The following FAM169A variants were observed in gnomAD, a reference collection of about 807,000 sequenced individuals.
FAM169A encodes the protein family with sequence similarity 169 member A.
A neutral mutation model predicts 75.7 loss-of-function variants in FAM169A; 24 were observed. The observed-to-expected ratio is 0.32, with a 90% confidence interval of 0.23 to 0.45. FAM169A has a LOEUF of 0.45. FAM169A is among the 20% of genes least tolerant of loss of function. The probability of loss-of-function intolerance (pLI) is 1.00; values close to 1 mark genes in which losing one functional copy is unlikely to be tolerated. For synonymous variants in FAM169A, 271 were observed against 271.0 expected, an observed-to-expected ratio of 1.00 and a Z score of 0.00; for missense variants, 673 against 784.0, an observed-to-expected ratio of 0.86 and a Z score of 1.69.
At chr5:74,816,309 A>G (rs1747467928) in intron 5 of FAM169A, among the ~76,000 whole-genome samples, 1 of 152,170 alleles carries the variant, frequency 6.6e-6, no homozygotes, top group Admixed American at 6.5e-5. Flanking sequence ...GTTGTTCATT[A>G]CTCTACATGC....
Position 74,782,001 on chromosome 5 carries a change from C to T in FAM169A, c.1472G>A (p.Arg491His), listed in dbSNP as rs374956471. Residue 491 changes from arginine to histidine, a missense_variant, in exon 13 of 13, where the codon CGT becomes CAT. By Grantham distance (29) the Arg-to-His change is conservative. Coordinates refer to ENST00000687041, the MANE Select transcript of FAM169A (RefSeq NM_001376049.1). ...CATCAACATTTCTGAGTCAGGTATA[C>T]GTGGGGTCTGAAAATTAAAAACCTG... ...PEVDAPDKTP[R>H]IPDSEMLMDE... 2.5e-6 allele frequency: 4 copies of T among 1,598,464 alleles called. No individual in the cohort carries two copies. In the African/African-American group the frequency reaches 4.0e-5, roughly 16 times the overall value.
intron 1 of FAM169A, among the ~76,000 whole-genome samples, chr5:74,842,664 T>C (rs531078561): frequency 5.4e-4 from 82 of 151,874 alleles, no homozygotes; most frequent in African/African-American, 1.9e-3. Flanking sequence ...CCCAAAGTGC[T>C]GGGATTACAG....
At chr5:74,840,040 T>A (rs756028413) in intron 3 of FAM169A, 34 bp downstream of exon 3, 2 of 1,129,106 alleles carry the variant, frequency 1.8e-6, no homozygotes, top group Non-Finnish European at 2.6e-6. Flanking sequence ...TGGAGAAAAA[T>A]TCCTTAATTT....
intron 1 of FAM169A, among the ~76,000 whole-genome samples, chr5:74,846,551 T>G (rs1749165972): frequency 6.6e-6 from 1 of 152,230 alleles, no homozygotes; most frequent in African/African-American, 2.4e-5. Context: ...ACGCACGTTA[T>G]TTTAGATTGA....
chr5:74,841,805 G>T, intron 1 of FAM169A, 126 bp from the exon 2 acceptor site: 1 of 794,688 alleles, frequency 1.3e-6, no homozygotes, highest in Non-Finnish European at 1.9e-6. Context: ...GTTTCACTTT[G>T]CCCGCAGAAT....
chr5:74,808,467 A>C (rs1747001421), intron 6 of FAM169A, among the ~76,000 whole-genome samples: 1 of 152,184 alleles, frequency 6.6e-6, no homozygotes, highest in African/African-American at 2.4e-5. Flanking sequence ...GTTACCTACC[A>C]GAAGATGGGG....
intron 11 of FAM169A, among the ~76,000 whole-genome samples, chr5:74,792,737 C>T (rs1746044416): frequency 6.6e-6 from 1 of 152,092 alleles, no homozygotes; most frequent in Non-Finnish European, 1.5e-5. Flanking sequence ...GTAAGTATGG[C>T]CACAATAAAA....
In FAM169A at chr5:74,804,544, T is replaced by C. The variant is rs1165059945; in HGVS notation, c.861A>G (p.Pro287=). The change falls in exon 8 of 13, where the codon CCA becomes CCG. Residue 287 remains proline, a synonymous_variant. Transcript: ENST00000687041. The part of the protein sequence containing the change: ...MSGEYGPASV[P]EYEARTEDNQ... Reference sequence around the variant, plus strand: ...TGTCTTCAGTTCTTGCTTCGTATTCTGGAACAGATGCAGGACCATATTCTC... The same window carrying C: ...TGTCTTCAGTTCTTGCTTCGTATTCCGGAACAGATGCAGGACCATATTCTC... 1 of 1,612,596 alleles carries C rather than the reference T, an allele frequency of 6.2e-7. No homozygotes were observed. Among genetic ancestry groups the C allele is most frequent in the Non-Finnish European group, 8.5e-7 (1 of 1,178,956 alleles).
At chr5:74,861,871 T>A (rs1357813198) in intron 1 of FAM169A, among the ~76,000 whole-genome samples, 1 of 152,204 alleles carries the variant, frequency 6.6e-6, no homozygotes, top group Admixed American at 6.5e-5. Context: ...ATATACTACT[T>A]CTAGTCATTT....
At chr5:74,782,146 T>A (rs1745444888) in intron 12 of FAM169A, 138 bp from the exon 13 acceptor site, 1 of 670,434 alleles carries the variant, frequency 1.5e-6, no homozygotes, top group East Asian at 2.7e-5. Flanking sequence ...TTTTTTGAAT[T>A]TCTGTTCTGC....
chr5:74,812,558 G>A (rs1416536091), intron 6 of FAM169A, among the ~76,000 whole-genome samples: 5 of 151,812 alleles, frequency 3.3e-5, no homozygotes, highest in African/African-American at 1.2e-4. Context: ...GAGATAACAG[G>A]CATATGCCAC....
intron 1 of FAM169A, among the ~76,000 whole-genome samples, chr5:74,844,796 G>A (rs531957547): frequency 6.6e-6 from 1 of 152,248 alleles, no homozygotes; most frequent in Admixed American, 6.5e-5. Flanking sequence ...CAGCCTGGGT[G>A]ACAGAGTGAG....
chr5:74,813,569 G>A (rs1312208218), intron 6 of FAM169A, among the ~76,000 whole-genome samples: 4 of 151,782 alleles, frequency 2.6e-5, no homozygotes, highest in East Asian at 3.9e-4. Context: ...CAGGTGATCC[G>A]CCTGCCTCAG....
intron 1 of FAM169A, among the ~76,000 whole-genome samples, chr5:74,843,570 A>T (rs1390883480): frequency 2.0e-5 from 3 of 152,304 alleles, no homozygotes; most frequent in African/African-American, 7.2e-5. Context: ...GGCGGGGAAA[A>T]GACTTTTTTA....
At chr5:74,796,267 A>G in intron 10 of FAM169A, 81 bp from the exon 11 acceptor site, 1 of 1,261,922 alleles carries the variant, frequency 7.9e-7, no homozygotes, top group South Asian at 1.5e-5. Context: ...TTAAAGTAAC[A>G]TTTTAGAGAA....
At chr5:74,861,503 C>G (rs924633481) in intron 1 of FAM169A, among the ~76,000 whole-genome samples, 1 of 152,052 alleles carries the variant, frequency 6.6e-6, no homozygotes, top group Non-Finnish European at 1.5e-5. Flanking sequence ...ACAGGCAGAT[C>G]GCTTGAAGTC....
intron 5 of FAM169A, 56 bp from the exon 6 acceptor site, chr5:74,814,075 A>G: frequency 7.5e-7 from 1 of 1,342,098 alleles, no homozygotes; most frequent in Non-Finnish European, 9.9e-7. Context: ...ATATACATAC[A>G]TTTAGTGACA....
intron 8 of FAM169A, among the ~76,000 whole-genome samples, chr5:74,803,990 TAGTTAC>T (rs1746721990): frequency 6.6e-6 from 1 of 152,134 alleles, no homozygotes; most frequent in African/African-American, 2.4e-5. Flanking sequence ...CAAATAATGA[TAGTTAC>T]ATAAAATAGA....
intron 5 of FAM169A, among the ~76,000 whole-genome samples, chr5:74,832,740 A>T (rs914788571): frequency 2.7e-4 from 41 of 151,690 alleles, no homozygotes; most frequent in African/African-American, 9.7e-4. Context: ...TTTCTCTAAA[A>T]TATTTAAATT....
Sources: allele counts gnomAD v4.1 joint callset (sites outside exome capture counted in the v4.1 genomes callset), GRCh38; gene constraint gnomAD v4.1.1; transcripts MANE v1.5; gene names NCBI Gene and HGNC (gene_info 2026-07-23, HGNC 2026-07-21).